Variants in TFEC observed in about 807,000 individuals in gnomAD.
TFEC encodes the protein class E basic helix-loop-helix protein 34.
TFEC carries 31 observed loss-of-function variants against 41.6 expected under a neutral mutation model. The observed-to-expected ratio is 0.74, with a 90% CI of 0.56 to 1.01. The LOEUF (loss-of-function observed/expected upper bound fraction) is 1.01. Ranked by LOEUF, TFEC falls within the 50% of genes least tolerant of loss-of-function variation. The pLI, the probability that TFEC is intolerant of heterozygous loss-of-function variation, is 0.00. For synonymous variants in TFEC, 143 were observed against 140.6 expected (o/e 1.02, Z -0.12); for missense variants, 402 against 404.1 (o/e 0.99, Z 0.04).
intron 6 of TFEC, among the ~76,000 whole-genome samples, chr7:115,944,000 A>C (rs1405514725): frequency 4.7e-5 from 2 of 42,826 alleles, no homozygotes; most frequent in Non-Finnish European, 1.5e-4. Context: ...AAATAATACT[A>C]TGACAGGTCT....
intron 3 of TFEC, among the ~76,000 whole-genome samples, chr7:116,054,291 G>A (rs1425691244): frequency 1.3e-5 from 2 of 152,076 alleles, no homozygotes; most frequent in Non-Finnish European, 2.9e-5. Context: ...AATTAGGAAG[G>A]GTTGGTTGGA....
upstream of TFEC, chr7:116,030,800 G>A (rs191073789): frequency 1.3e-4 from 126 of 985,418 alleles, no homozygotes; most frequent in East Asian, 0.01. Flanking sequence ...GTTGAGGAAA[G>A]AGAAAAGAGA....
At chr7:116,135,029 T>G (rs897939901) in intron 1 of TFEC, among the ~76,000 whole-genome samples, 2 of 152,140 alleles carry the variant, frequency 1.3e-5, no homozygotes, top group African/African-American at 4.8e-5. Flanking sequence ...TTGAAATGCG[T>G]CAAAACTAAG....
At chr7:116,106,191 A>C (rs571115439) in intron 3 of TFEC, among the ~76,000 whole-genome samples, 1 of 152,236 alleles carries the variant, frequency 6.6e-6, no homozygotes, top group South Asian at 2.1e-4. Flanking sequence ...AAACTGTCTA[A>C]TTTCACTCTT....
chr7:116,023,606 C>G (rs1356158649), intron 1 of TFEC, among the ~76,000 whole-genome samples: 2 of 152,124 alleles, frequency 1.3e-5, no homozygotes, highest in Non-Finnish European at 2.9e-5. Flanking sequence ...AGGGTGTAAT[C>G]TAACATACAG....
At chr7:116,105,190 G>GAA (rs1336014473) in intron 3 of TFEC, among the ~76,000 whole-genome samples, 2 of 152,096 alleles carry the variant, frequency 1.3e-5, no homozygotes, top group Non-Finnish European at 2.9e-5. Context: ...AAAAATTATA[G>GAA]AAAGAGGAGA....
chr7:116,029,153 T>C (rs755063784), intron 1 of TFEC, among the ~76,000 whole-genome samples: 1 of 152,082 alleles, frequency 6.6e-6, no homozygotes, highest in Non-Finnish European at 1.5e-5. Context: ...ATTCTACTGT[T>C]TTGGAATAAA....
In TFEC at chr7:116,131,230, A is replaced by G. The variant is rs561125222; in HGVS notation, c.-68-19192T>C. On this transcript the variant is annotated intron_variant, in intron 1 of 8. Coordinates refer to the TFEC transcript ENST00000484212. Reference sequence around the variant, plus strand: ...TTCACATCATCTGTAAACTGAGCCAATATGTCATCAATGCCATCCATATGC... The same window carrying G: ...TTCACATCATCTGTAAACTGAGCCAGTATGTCATCAATGCCATCCATATGC... 5.3e-5 allele frequency among the ~76,000 whole-genome samples: 8 copies of G among 152,340 alleles called. No individual in the cohort carries two copies. The East Asian group carries it at 1.5e-3, about 29-fold the overall frequency.
At chr7:116,079,063 A>G in intron 3 of TFEC, among the ~76,000 whole-genome samples, 1 of 152,096 alleles carries the variant, frequency 6.6e-6, no homozygotes, top group East Asian at 1.9e-4. Context: ...ACATAAGAGG[A>G]ATTAAAAACA....
intron 2 of TFEC, among the ~76,000 whole-genome samples, chr7:115,982,035 G>A (rs1022708857): frequency 6.6e-6 from 1 of 152,034 alleles, no homozygotes; most frequent in Non-Finnish European, 1.5e-5. Context: ...TGCTTCTTTT[G>A]ATTTTACATT....
intron 1 of TFEC, among the ~76,000 whole-genome samples, chr7:116,154,252 G>C (rs1223443201): frequency 2.0e-5 from 3 of 152,082 alleles, no homozygotes; most frequent in Admixed American, 6.6e-5. Context: ...TCCAGGCTTA[G>C]AGAAAAAAGA....
At chr7:116,144,957 GATAA>G (rs756079404) in intron 1 of TFEC, among the ~76,000 whole-genome samples, 2 of 152,058 alleles carry the variant, frequency 1.3e-5, no homozygotes, top group African/African-American at 4.8e-5. Flanking sequence ...TTTCTCTCCA[GATAA>G]ATAGATAGAT....
chr7:116,030,702 T>C lies in TFEC; in HGVS notation c.-142A>G. 1 of 985,360 alleles carries C rather than the reference T, an allele frequency of 1.0e-6. No homozygotes were observed. Among genetic ancestry groups the C allele is most frequent in the Non-Finnish European group, 1.2e-6 (1 of 829,930 alleles). The allele number at this position is 985,360 out of a possible 1,614,324, so 61.0% of individuals were successfully genotyped here. A position where few individuals can be genotyped will look rare whatever the true frequency, so the allele number is the denominator to read the frequency against. On this transcript the variant is annotated 5_prime_UTR_variant, in exon 1 of 8. An upstream start codon of the reference 5' UTR is lost. Transcript: ENST00000265440. ...CACCAAATTATAATCCCTCTTCCCATAACATATGCACCATGCCAGAAGGGA... is the reference window on the plus strand; with the variant it reads ...CACCAAATTATAATCCCTCTTCCCACAACATATGCACCATGCCAGAAGGGA...
chr7:116,138,055 T>G (rs1798468437), intron 1 of TFEC, among the ~76,000 whole-genome samples: 1 of 152,162 alleles, frequency 6.6e-6, no homozygotes, highest in South Asian at 2.1e-4. Flanking sequence ...TCAGGTTATA[T>G]ACCTAGCCAA....
intron 6 of TFEC, among the ~76,000 whole-genome samples, chr7:115,942,489 TTA>T (rs1289661137): frequency 1.3e-5 from 2 of 152,154 alleles, no homozygotes; most frequent in African/African-American, 4.8e-5. Context: ...AAGGTTGCTT[TTA>T]TGTTTCTAAG....
At chr7:116,011,440 TTC>T (rs1325491206) in intron 1 of TFEC, among the ~76,000 whole-genome samples, 1 of 152,144 alleles carries the variant, frequency 6.6e-6, no homozygotes, top group African/African-American at 2.4e-5. Context: ...AAATTGTTTA[TTC>T]TTTTTATAAA....
chr7:116,047,941 A>C (rs1395188324), intron 3 of TFEC, among the ~76,000 whole-genome samples: 1 of 152,234 alleles, frequency 6.6e-6, no homozygotes, highest in Admixed American at 6.5e-5. Context: ...AGAAGGAAAA[A>C]TAACAAACAG....
intron 1 of TFEC, among the ~76,000 whole-genome samples, chr7:116,022,100 TG>T (rs1194893221): frequency 1.2e-4 from 18 of 152,140 alleles, no homozygotes; most frequent in Admixed American, 1.2e-3. Flanking sequence ...TGACATGTCC[TG>T]GTTAGAGGTC....
At chr7:116,082,730 C>T (rs993072702) in intron 3 of TFEC, among the ~76,000 whole-genome samples, 7 of 151,960 alleles carry the variant, frequency 4.6e-5, no homozygotes, top group Middle Eastern at 3.4e-3. Flanking sequence ...CAGATTCATC[C>T]TGTCTAATTA....
Sources: gnomAD v4.1 joint callset for allele counts (sites outside exome capture counted in the v4.1 genomes callset) on GRCh38, gnomAD v4.1.1 for gene constraint, MANE v1.5 for transcripts, NCBI Gene and HGNC (gene_info 2026-07-23, HGNC 2026-07-21) for gene names.